DGKB: variants seen among roughly 807,000 people sequenced by gnomAD.
DGKB encodes 90 kDa diacylglycerol kinase.
A neutral mutation model predicts 114.3 loss-of-function variants in DGKB; 67 were observed. That is an observed-to-expected ratio of 0.59 (90% CI 0.48 to 0.72). DGKB has a LOEUF of 0.72. Among genes scored for constraint, DGKB ranks in the 30% least tolerant of loss-of-function variants. The pLI, the probability that DGKB is intolerant of heterozygous loss-of-function variation, is 0.00. For missense variants in DGKB, 907 were observed against 975.2 expected (o/e 0.93, Z 0.93); for synonymous variants, 398 against 323.1 (o/e 1.23, Z -2.49).
chr7:14,757,857 A>C (rs576596673), intron 2 of DGKB, 126 bp from the exon 3 acceptor site: 1 of 533,194 alleles, frequency 1.9e-6, no homozygotes, highest in Non-Finnish European at 3.4e-6. Flanking sequence ...AAAAACCAAC[A>C]CATAAAATAT....
At chr7:14,652,531 T>C (rs547918227) in intron 13 of DGKB, among the ~76,000 whole-genome samples, 78 of 152,016 alleles carry the variant, frequency 5.1e-4, no homozygotes, top group African/African-American at 1.7e-3. Flanking sequence ...ACGTTAGACC[T>C]AAAACCATAA....
intron 2 of DGKB, among the ~76,000 whole-genome samples, chr7:14,801,909 C>T (rs181937436): frequency 0.045 from 6,120 of 135,272 alleles, 180 homozygotes; most frequent in South Asian, 0.061. Context: ...CACACATATA[C>T]ACACATATAT....
At chr7:14,799,772 C>T (rs1383913488) in intron 2 of DGKB, among the ~76,000 whole-genome samples, 1 of 152,168 alleles carries the variant, frequency 6.6e-6, no homozygotes, top group Non-Finnish European at 1.5e-5. Context: ...CAAGTACAGG[C>T]TGCTGTGTGA....
chr7:14,285,761 G>A (rs1800774181), intron 23 of DGKB, among the ~76,000 whole-genome samples: 1 of 152,076 alleles, frequency 6.6e-6, no homozygotes, highest in African/African-American at 2.4e-5. Flanking sequence ...TTATATAAAT[G>A]ATTTAGAGAA....
At chr7:14,596,274 G>A (rs923044443) in intron 17 of DGKB, among the ~76,000 whole-genome samples, 2 of 151,980 alleles carry the variant, frequency 1.3e-5, no homozygotes, top group Admixed American at 6.6e-5. Flanking sequence ...GAAGAATAAC[G>A]CTTCTGTTTT....
chr7:14,289,400 T>C (rs926003572), intron 23 of DGKB, among the ~76,000 whole-genome samples: 8 of 152,192 alleles, frequency 5.3e-5, no homozygotes, highest in African/African-American at 1.9e-4. Context: ...AAATATAATA[T>C]TGGCAGTTTC....
chr7:14,882,668 C>A (rs574368162), intron 1 of DGKB, among the ~76,000 whole-genome samples: 2 of 151,934 alleles, frequency 1.3e-5, no homozygotes, highest in Admixed American at 1.3e-4. Flanking sequence ...TTAGCACCCA[C>A]TTATGAGTAA....
intron 23 of DGKB, among the ~76,000 whole-genome samples, chr7:14,237,217 T>C (rs935314702): frequency 9.9e-5 from 15 of 152,044 alleles, no homozygotes; most frequent in Non-Finnish European, 2.9e-5. Flanking sequence ...TATATGCATA[T>C]ATATTATTTA....
chr7:14,924,831 T>C (rs62448579), intron 1 of DGKB, among the ~76,000 whole-genome samples: 1 of 152,154 alleles, frequency 6.6e-6, no homozygotes, highest in Non-Finnish European at 1.5e-5. Context: ...GCTCCTCTCA[T>C]GGGAAACTTT....
At chr7:14,501,424 G>A (rs1448646834) in intron 20 of DGKB, among the ~76,000 whole-genome samples, 1 of 151,886 alleles carries the variant, frequency 6.6e-6, no homozygotes, top group Non-Finnish European at 1.5e-5. Flanking sequence ...GTTTTTAAAG[G>A]AATGCTTATA....
chr7:14,186,863 T>G (rs1230494226), intron 23 of DGKB, among the ~76,000 whole-genome samples: 1 of 151,842 alleles, frequency 6.6e-6, no homozygotes, highest in African/African-American at 2.4e-5. Flanking sequence ...TTTGGGGACT[T>G]GGGGGGAAGA....
intron 23 of DGKB, among the ~76,000 whole-genome samples, chr7:14,336,757 A>G (rs558188372): frequency 6.6e-6 from 1 of 152,302 alleles, no homozygotes; most frequent in African/African-American, 2.4e-5. Flanking sequence ...GAGCCCAGGT[A>G]AATGACATGT....
chr7:14,293,678 A>G (rs979748778), intron 23 of DGKB, among the ~76,000 whole-genome samples: 5 of 151,900 alleles, frequency 3.3e-5, no homozygotes, highest in African/African-American at 9.7e-5. Context: ...TCTCTTTTCT[A>G]TCCGCATTCT....
chr7:14,750,035 T>C (rs1426872108), intron 4 of DGKB: 1 of 473,258 alleles, frequency 2.1e-6, no homozygotes. Flanking sequence ...AATGTTACTA[T>C]GTTTTAGGAA....
intron 2 of DGKB, among the ~76,000 whole-genome samples, chr7:14,773,174 T>C (rs1355344232): frequency 6.6e-6 from 1 of 152,188 alleles, no homozygotes; most frequent in Non-Finnish European, 1.5e-5. Flanking sequence ...CATAAAGTGC[T>C]AAATAATTAG....
chr7:14,451,167 A>T (rs189858676), intron 21 of DGKB, among the ~76,000 whole-genome samples: 9 of 152,154 alleles, frequency 5.9e-5, no homozygotes, highest in African/African-American at 2.2e-4. Context: ...ATTTGGTTAA[A>T]CATTACTCTG....
rs550158580 is a variant in DGKB, at chr7:14,953,515, C to G, written c.-188+21181G>C. 6.6e-5 allele frequency among the ~76,000 whole-genome samples: 10 copies of G among 152,120 alleles called. No individual in the cohort carries two copies. In the East Asian group the frequency reaches 1.9e-3, roughly 30 times the overall value. On this transcript the variant is annotated intron_variant, in intron 1 of 4. Coordinates refer to the DGKB transcript ENST00000437998. ...CCACAATGAGATATCACTTCCCACA[C>G]ACGAGGATGATTATAATAAAGACAG...
intron 23 of DGKB, among the ~76,000 whole-genome samples, chr7:14,315,310 A>G (rs1806257905): frequency 6.6e-6 from 1 of 151,046 alleles, no homozygotes; most frequent in Non-Finnish European, 1.5e-5. Context: ...AATGGACTAA[A>G]TGCTCCAATT....
chr7:14,562,269 G>A (rs977669219), intron 20 of DGKB, among the ~76,000 whole-genome samples: 1 of 152,338 alleles, frequency 6.6e-6, no homozygotes, highest in East Asian at 1.9e-4. Flanking sequence ...TATCCAGGAA[G>A]AAGTTTGCTA....
Sources: gnomAD v4.1 joint callset for allele counts (sites outside exome capture counted in the v4.1 genomes callset) on GRCh38, gnomAD v4.1.1 for gene constraint, MANE v1.5 for transcripts, NCBI Gene and HGNC (gene_info 2026-07-23, HGNC 2026-07-21) for gene names.